LTBP2: variants seen among roughly 807,000 people sequenced by gnomAD.
LTBP2 encodes latent-transforming growth factor beta-binding protein 2.
A neutral mutation model predicts 210.6 loss-of-function variants in LTBP2; 103 were observed. The observed-to-expected ratio is 0.49, with a 90% confidence interval of 0.42 to 0.58. The LOEUF is 0.58. Among genes scored for constraint, LTBP2 ranks in the 20% least tolerant of loss-of-function variants. The pLI, the probability that LTBP2 is intolerant of heterozygous loss-of-function variation, is 0.00. For synonymous variants in LTBP2, 1,007 were observed against 1,015.0 expected (o/e 0.99, Z 0.15); for missense variants, 2,313 against 2,494.5 (o/e 0.93, Z 1.55).
chr14:74,537,767 T>C (rs559889833), intron 8 of LTBP2, among the ~76,000 whole-genome samples: 8 of 152,298 alleles, frequency 5.3e-5, no homozygotes, highest in South Asian at 4.2e-4. Flanking sequence ...TCTTCTTCTT[T>C]TTTTTGAGAT....
At chr14:74,601,983 G>A (rs1423061587) in intron 2 of LTBP2, among the ~76,000 whole-genome samples, 1 of 152,200 alleles carries the variant, frequency 6.6e-6, no homozygotes, top group Non-Finnish European at 1.5e-5. Flanking sequence ...GTCAGGTGGA[G>A]TTCCTGGGGA....
In LTBP2 at chr14:74,506,826, G is replaced by C. The variant is rs1264945178; in HGVS notation, c.3908-3C>G. ...GTCGTTGGCGCACTCGTCTATGTCT[G>C]TGGGACAGTGGGAACCAGGATAGAG... On this transcript the variant is annotated splice_region_variant and splice_polypyrimidine_tract_variant and intron_variant, in intron 26 of 35. Transcript: ENST00000261978. 4 of 1,613,836 alleles carry C rather than the reference G, an allele frequency of 2.5e-6. No individual in the cohort carries two copies.
chr14:74,551,108 G>A lies in LTBP2; in HGVS notation c.1642C>T (p.Arg548Ter), dbSNP rs137854855. ...RPLPPAAPRP[R>*]GLLGRCYLNT... ...AGGTAACACCGGCCCAGCAGTCCTC[G>A]AGGCCTGGGTGCTGCTGGGGGCAGT... Residue 548 changes from arginine (R) to a stop codon, truncating the protein, a stop_gained, in exon 7 of 36, where the codon CGA becomes TGA. Coordinates refer to ENST00000261978, the MANE Select transcript of LTBP2 (RefSeq NM_000428.3). LOFTEE classifies it high-confidence loss of function. 1.2e-6 allele frequency: 2 copies of A among 1,613,846 alleles called. No individual in the cohort carries two copies. Among genetic ancestry groups the A allele is most frequent in the South Asian group, 2.2e-5 (2 of 91,088 alleles).
chr14:74,578,962 T>A (rs1595289182), intron 3 of LTBP2, among the ~76,000 whole-genome samples: 1 of 152,184 alleles, frequency 6.6e-6, no homozygotes, highest in African/African-American at 2.4e-5. Context: ...TTCAAGCAAT[T>A]CCCCTGTCTC....
At position 74,516,858 on chromosome 14, in the gene LTBP2, G is replaced by C; in HGVS notation, c.2872C>G (p.Gln958Glu). The part of the protein sequence containing the change: ...TEGSYHCECD[Q>E]GYIMVRKGHC... The stretch of plus-strand genomic sequence containing the variant: ...CCTTTCCTGACCATGATGTAGCCCT[G>C]ATCACACTCGCAGTGGTACGAGCCC... The change falls in exon 18 of 36, where the codon CAG becomes GAG. Residue 958 changes from glutamine to glutamate, a missense_variant. Physicochemically the swap from Gln to Glu is conservative, Grantham distance 29. Around this residue, in one of 3 missense-constraint regions of LTBP2, gnomAD observed 1,867 missense variants for 1,976.9 expected, o/e 0.94. Transcript: ENST00000261978. The C allele has an allele frequency of 1.3e-6, 2 of 1,551,922 alleles. No individual in the cohort carries two copies.
chr14:74,580,965 TA>T (rs2088129029), intron 3 of LTBP2, among the ~76,000 whole-genome samples: 1 of 151,814 alleles, frequency 6.6e-6, no homozygotes, highest in African/African-American at 2.4e-5. Flanking sequence ...AAAAAAATAA[TA>T]ATAATAATTC....
chr14:74,518,016 G>A (rs1382880816), intron 17 of LTBP2, among the ~76,000 whole-genome samples: 3 of 152,190 alleles, frequency 2.0e-5, no homozygotes, highest in African/African-American at 7.2e-5. Flanking sequence ...TCACACAAAT[G>A]CTTCCACCTG....
chr14:74,602,284 A>G (rs2088459084), intron 2 of LTBP2, among the ~76,000 whole-genome samples: 1 of 152,172 alleles, frequency 6.6e-6, no homozygotes, highest in Non-Finnish European at 1.5e-5. Context: ...GCATACACCT[A>G]CTTCATAAGA....
chr14:74,578,005 C>T (rs770342540), intron 3 of LTBP2, among the ~76,000 whole-genome samples: 21 of 152,042 alleles, frequency 1.4e-4, no homozygotes, highest in Admixed American at 3.9e-4. Flanking sequence ...GAGGGGGCCA[C>T]GTAGCCCAAA....
chr14:74,555,604 C>T lies in LTBP2; in HGVS notation c.920G>A (p.Ser307Asn), dbSNP rs1400388429. The T allele has an allele frequency of 6.2e-7, 1 of 1,610,684 alleles. No individual in the cohort carries two copies. Among genetic ancestry groups the T allele is most frequent in the Admixed American group, 1.7e-5 (1 of 59,808 alleles). Residue 307 changes from serine (S) to asparagine (N), a missense_variant, in exon 4 of 36, where the codon AGT becomes AAT. Ser to Asn is a conservative substitution (Grantham distance 46). Coordinates refer to ENST00000261978, the MANE Select transcript of LTBP2 (RefSeq NM_000428.3). Reference sequence around the variant, plus strand: ...CAGGGCGTTGGAAGAGAGCTGGCTACTGGCCGTGGCAGTCGGGTGAAGTCG... The same window carrying T: ...CAGGGCGTTGGAAGAGAGCTGGCTATTGGCCGTGGCAGTCGGGTGAAGTCG... ...TVRLHPTATA[S>N]SQLSSNALPP...
intron 15 of LTBP2, 84 bp downstream of exon 15, chr14:74,525,040 A>G (rs2087253931): frequency 9.7e-6 from 7 of 724,142 alleles, no homozygotes; most frequent in Non-Finnish European, 1.4e-5. Context: ...CATTCCATTC[A>G]TGCCCCTGCC....
chr14:74,581,224 G>A (rs1030635513), intron 3 of LTBP2, among the ~76,000 whole-genome samples: 1 of 152,258 alleles, frequency 6.6e-6, no homozygotes, highest in African/African-American at 2.4e-5. Flanking sequence ...GGAATGTGCT[G>A]TAGTGAGTGG....
intron 19 of LTBP2, 100 bp from the exon 20 acceptor site, chr14:74,510,313 GC>G: frequency 6.4e-7 from 1 of 1,560,578 alleles, no homozygotes; most frequent in Non-Finnish European, 8.7e-7. Context: ...CAGGGAACCA[GC>G]CTTCAGAGGG....
chr14:74,506,330 G>A, intron 27 of LTBP2, 139 bp from the exon 28 acceptor site: 2 of 1,184,300 alleles, frequency 1.7e-6, no homozygotes, highest in Non-Finnish European at 2.4e-6. Context: ...TTGTAGGGAG[G>A]AGGAACCAAT....
chr14:74,609,619 A>G (rs930314741), intron 1 of LTBP2, among the ~76,000 whole-genome samples: 1 of 150,902 alleles, frequency 6.6e-6, no homozygotes, highest in African/African-American at 2.4e-5. Context: ...CACCACCCTC[A>G]CCTCCAGGCC....
intron 28 of LTBP2, 64 bp downstream of exon 28, chr14:74,505,984 G>A (rs971783786): frequency 3.2e-5 from 51 of 1,592,664 alleles, no homozygotes; most frequent in African/African-American, 5.4e-5. Context: ...GTAGAGGGAT[G>A]CAGAGGGACA....
intron 2 of LTBP2, among the ~76,000 whole-genome samples, chr14:74,600,546 A>C (rs2088432341): frequency 6.6e-6 from 1 of 152,072 alleles, no homozygotes; most frequent in East Asian, 1.9e-4. Flanking sequence ...AGAGAATAAC[A>C]CTGGAACATC....
intron 12 of LTBP2, among the ~76,000 whole-genome samples, 154 bp from the exon 13 acceptor site, chr14:74,527,520 T>G (rs1432729845): frequency 1.3e-5 from 2 of 152,248 alleles, no homozygotes; most frequent in Admixed American, 1.3e-4. Flanking sequence ...TACCTGCCTC[T>G]GCCCCATCAC....
chr14:74,504,136 G>A (rs2086952381), intron 30 of LTBP2, 82 bp from the exon 31 acceptor site: 3 of 1,562,010 alleles, frequency 1.9e-6, no homozygotes, highest in Non-Finnish European at 2.6e-6. Flanking sequence ...AAGCCAGGCT[G>A]GGTTTGAATC....
Sources: allele counts gnomAD v4.1 joint callset (sites outside exome capture counted in the v4.1 genomes callset), GRCh38; gene constraint gnomAD v4.1.1; regional missense constraint gnomAD v4.1.1; transcripts MANE v1.5; gene names NCBI Gene and HGNC (gene_info 2026-07-23, HGNC 2026-07-21).